Variants in FAM81A observed in about 807,000 individuals in gnomAD.
FAM81A encodes protein FAM81A.
FAM81A carries 19 observed loss-of-function variants against 46.7 expected under a neutral mutation model. The ratio of observed to expected loss-of-function variants is 0.41; its 90% CI spans 0.28 to 0.60. The LOEUF is 0.60. Ranked by LOEUF, FAM81A falls within the 20% of genes least tolerant of loss-of-function variation. The pLI is 0.34. For synonymous variants in FAM81A, 183 were observed against 152.9 expected, an observed-to-expected ratio of 1.20 and a Z score of -1.45; for missense variants, 377 against 453.5, an observed-to-expected ratio of 0.83 and a Z score of 1.53.
At chr15:59,457,891 A>G (rs1459836054) in intron 1 of FAM81A, among the ~76,000 whole-genome samples, 1 of 152,236 alleles carries the variant, frequency 6.6e-6, no homozygotes, top group East Asian at 1.9e-4. Context: ...AAGTATTTTA[A>G]ACATCCTCTA....
At chr15:59,481,293 C>G (rs544306812) in intron 3 of FAM81A, among the ~76,000 whole-genome samples, 1 of 152,074 alleles carries the variant, frequency 6.6e-6, no homozygotes, top group Non-Finnish European at 1.5e-5. Flanking sequence ...CCATCGCACC[C>G]GACCCCAGAG....
At chr15:59,491,213 A>G (rs1172861895) in intron 3 of FAM81A, among the ~76,000 whole-genome samples, 4 of 152,242 alleles carry the variant, frequency 2.6e-5, no homozygotes, top group African/African-American at 9.6e-5. Flanking sequence ...CAGATACACA[A>G]TGGAGTGTAT....
chr15:59,509,951 C>T (rs2082187602), intron 6 of FAM81A, among the ~76,000 whole-genome samples: 2 of 151,908 alleles, frequency 1.3e-5, no homozygotes, highest in Non-Finnish European at 2.9e-5. Context: ...TGAGAAGGCC[C>T]AACCTATGCC....
At chr15:59,436,824 A>G (rs2081246446), upstream of FAM81A, among the ~76,000 whole-genome samples, 1 of 152,224 alleles carries the variant, frequency 6.6e-6, no homozygotes, top group Admixed American at 6.5e-5. Context: ...TCTACACATC[A>G]CAAGACTCAA....
At chr15:59,450,103 CTT>C (rs56862038) in intron 1 of FAM81A, among the ~76,000 whole-genome samples, 4 of 126,274 alleles carry the variant, frequency 3.2e-5, no homozygotes, top group Non-Finnish European at 4.8e-5. Flanking sequence ...TTCTTTCTTT[CTT>C]TTTTTTTTTT....
intron 1 of FAM81A, among the ~76,000 whole-genome samples, chr15:59,450,082 C>A (rs2081400231): frequency 7.0e-6 from 1 of 142,370 alleles, no homozygotes; most frequent in Non-Finnish European, 1.5e-5. Flanking sequence ...GCCACCACAC[C>A]CAGCTAATTT....
intron 5 of FAM81A, among the ~76,000 whole-genome samples, chr15:59,508,150 T>G (rs534940699): frequency 6.6e-6 from 1 of 152,284 alleles, no homozygotes; most frequent in East Asian, 1.9e-4. Flanking sequence ...TGAGTGAGAA[T>G]GGAATTACTA....
intron 4 of FAM81A, among the ~76,000 whole-genome samples, chr15:59,498,626 T>TC (rs1259290390): frequency 1.3e-5 from 2 of 152,192 alleles, no homozygotes; most frequent in Non-Finnish European, 2.9e-5. Context: ...ATCCATACTT[T>TC]CATTATTTAG....
At chr15:59,513,041 T>G (rs2082229580) in intron 6 of FAM81A, among the ~76,000 whole-genome samples, 1 of 152,184 alleles carries the variant, frequency 6.6e-6, no homozygotes, top group South Asian at 2.1e-4. Context: ...CAATGGGTGT[T>G]CATGTTATCA....
intron 3 of FAM81A, among the ~76,000 whole-genome samples, chr15:59,491,171 A>G (rs1473674340): frequency 6.6e-6 from 1 of 152,220 alleles, no homozygotes; most frequent in Non-Finnish European, 1.5e-5. Context: ...CCAAGTGTCC[A>G]TCAACAGGCA....
At position 59,416,238 on chromosome 15, in the gene FAM81A, G is replaced by A. The variant is rs537570603; in HGVS notation, c.-78+13880G>A. 8.5e-5 allele frequency among the ~76,000 whole-genome samples: 13 copies of A among 152,316 alleles called. No homozygotes were observed. In the South Asian group the frequency reaches 2.7e-3, roughly 32 times the overall value. ...GGAAAGGAAAACACAGTAATAATAT[G>A]TGCATTCCTGTGGTGGTCACCGCTG... On this transcript the variant is annotated intron_variant, in intron 2 of 4. Coordinates refer to the FAM81A transcript ENST00000558348.
In FAM81A at chr15:59,460,306, G is replaced by A. The variant is rs2081536594; in HGVS notation, c.294+100G>A. 3 of 1,470,764 alleles carry A rather than the reference G, an allele frequency of 2.0e-6. No individual in the cohort carries two copies. The highest frequency in any genetic ancestry group is 1.4e-5 in the African/African-American group (1 of 72,010). 91.1% of individuals were successfully genotyped at this position (1,470,764 alleles called of 1,614,324 possible). On this transcript the variant is annotated intron_variant, in intron 3 of 8. Transcript: ENST00000288228. The surrounding 1 kb of genome is among the most constrained non-coding windows in gnomAD (Gnocchi z 4.4). ...TAACTCCTACCTCCCAGGCAGTACT[G>A]CATTTAGAACAAAGCTGTCTGTCTT...
At chr15:59,438,809 A>AG (rs1274267676) in intron 1 of FAM81A, among the ~76,000 whole-genome samples, 28 of 152,060 alleles carry the variant, frequency 1.8e-4, no homozygotes, top group African/African-American at 5.1e-4. Context: ...TTATTCTAGG[A>AG]GGGGTTTCCA....
chr15:59,429,062 TGATGGATAGTTTAGCTGG>T (rs2081208355), intron 2 of FAM81A, among the ~76,000 whole-genome samples: 1 of 152,210 alleles, frequency 6.6e-6, no homozygotes, highest in Non-Finnish European at 1.5e-5. Flanking sequence ...CTCTCAGCCT[TGATGGATAGTTTAGCTGG>T]GTGTAGAATT....
chr15:59,419,097 C>A (rs1279513965), intron 2 of FAM81A, among the ~76,000 whole-genome samples: 1 of 152,186 alleles, frequency 6.6e-6, no homozygotes, highest in African/African-American at 2.4e-5. Flanking sequence ...TTACTAAAAT[C>A]ATTTCATCAG....
intron 4 of FAM81A, among the ~76,000 whole-genome samples, chr15:59,506,286 A>G (rs1456378451): frequency 1.3e-5 from 2 of 151,930 alleles, no homozygotes; most frequent in Non-Finnish European, 2.9e-5. Flanking sequence ...CCCAAGCAGC[A>G]GGAGGGAGAA....
intron 2 of FAM81A, among the ~76,000 whole-genome samples, chr15:59,429,245 C>T (rs1316139558): frequency 1.3e-5 from 2 of 152,110 alleles, no homozygotes; most frequent in African/African-American, 4.8e-5. Flanking sequence ...TCTTTGTGTT[C>T]TGAAATTTCA....
chr15:59,514,266 A>G lies in FAM81A; in HGVS notation c.651-23A>G, dbSNP rs377216812. 27 of 1,553,140 alleles carry G rather than the reference A, an allele frequency of 1.7e-5. No homozygotes were observed. In the East Asian group the frequency reaches 4.1e-4, roughly 23 times the overall value. On this transcript the variant is annotated intron_variant, in intron 6 of 8. Coordinates refer to ENST00000288228, the MANE Select transcript of FAM81A (RefSeq NM_152450.3). ...ATAAAAAATAAACTGTTTTACATCT[A>G]ACTTGCAATTTTTTTTTTTTAGATT...
intron 2 of FAM81A, among the ~76,000 whole-genome samples, chr15:59,417,825 G>A (rs969463222): frequency 6.6e-6 from 1 of 151,866 alleles, no homozygotes; most frequent in African/African-American, 2.4e-5. Context: ...ACAACATGCA[G>A]GTTTGTTACA....
Sources: allele counts gnomAD v4.1 joint callset (sites outside exome capture counted in the v4.1 genomes callset), GRCh38; gene constraint gnomAD v4.1.1; non-coding constraint Gnocchi (gnomAD v3.1); transcripts MANE v1.5; gene names NCBI Gene and HGNC (gene_info 2026-07-23, HGNC 2026-07-21).